The following CATSPER1 variants were observed in gnomAD, a reference collection of about 807,000 sequenced individuals.
CATSPER1 encodes the protein cation channel sperm associated 1, also known as cation channel sperm-associated protein 1.
CATSPER1 carries 57 observed loss-of-function variants against 72.7 expected under a neutral mutation model. The ratio of observed to expected loss-of-function variants is 0.78; its 90% confidence interval spans 0.63 to 0.98. CATSPER1 has a LOEUF of 0.98. Among genes scored for constraint, CATSPER1 ranks in the 50% least tolerant of loss-of-function variants. CATSPER1 has a pLI of 0.00. For synonymous variants in CATSPER1, 363 were observed against 403.0 expected, an observed-to-expected ratio of 0.90 and a Z score of 1.19; for missense variants, 910 against 1,033.9, an observed-to-expected ratio of 0.88 and a Z score of 1.64.
rs201995050 is a variant in CATSPER1, at chr11:66,020,202, T to C, written c.2065-2A>G. 4 of 1,613,792 alleles carry C rather than the reference T, an allele frequency of 2.5e-6. No individual in the cohort carries two copies. The highest frequency in any genetic ancestry group is 2.5e-6 in the Non-Finnish European group (3 of 1,180,022). On this transcript the variant is annotated splice_acceptor_variant, in intron 8 of 11. Coordinates refer to ENST00000312106, the MANE Select transcript of CATSPER1 (RefSeq NM_053054.4). LOFTEE classifies it high-confidence loss of function. This position sits in a 1 kb window ranked among gnomAD's most constrained non-coding sequence, Gnocchi z 4.5. ...CTTCTCTTGGATCCGGGCGGCCCTC[T>C]GGGAAGAAGAGGCCTCAGATCTGCC...
chr11:66,019,052 C>T (rs1459411918), intron 9 of CATSPER1, 150 bp from the exon 10 acceptor site: 4 of 706,066 alleles, frequency 5.7e-6, no homozygotes, highest in African/African-American at 3.5e-5. Context: ...CGATGCAGTT[C>T]CCTTTGTTTG....
chr11:66,023,524 A>G (rs1474806754), intron 1 of CATSPER1, among the ~76,000 whole-genome samples: 1 of 151,950 alleles, frequency 6.6e-6, no homozygotes, highest in Non-Finnish European at 1.5e-5. Flanking sequence ...CTACTGCTCT[A>G]TGTCTCAGTT....
At position 66,017,193 on chromosome 11, in the gene CATSPER1, G is replaced by T. The variant is rs201854224; in HGVS notation, c.2202-19C>A. On this transcript the variant is annotated intron_variant, in intron 10 of 11. Coordinates refer to ENST00000312106, the MANE Select transcript of CATSPER1 (RefSeq NM_053054.4). ...CTGCTGCCTGCGGGTGGGCGGGGGGGTCGCAGAGACAGGGGCTGGGCTGAC... is the reference window on the plus strand; with the variant it reads ...CTGCTGCCTGCGGGTGGGCGGGGGGTTCGCAGAGACAGGGGCTGGGCTGAC... The T allele has an allele frequency of 4.5e-5, 22 of 494,084 alleles. 1 individual carries two copies. Among genetic ancestry groups the T allele is most frequent in the African/African-American group, 8.3e-5 (4 of 48,312 alleles). The allele number at this position is 494,084 out of a possible 1,614,324, so 30.6% of individuals were successfully genotyped here.
intron 4 of CATSPER1, 43 bp downstream of exon 4, chr11:66,021,453 T>G: frequency 6.2e-7 from 1 of 1,607,092 alleles, no homozygotes; most frequent in Admixed American, 1.7e-5. Flanking sequence ...TGTCCCCTCT[T>G]CCTTTGGAGT....
Position 66,025,359 on chromosome 11 carries a change from G to A in CATSPER1, c.1021C>T (p.Pro341Ser), listed in dbSNP as rs1404167666. The change falls in exon 1 of 12, where the codon CCT (proline) becomes TCT (serine). Residue 341 changes from proline (P) to serine (S), a missense_variant. By Grantham distance (74) the Pro-to-Ser change is moderately conservative. Transcript: ENST00000312106. ...SRSLIHDAPGPAASRTGVFPY... is the reference protein window; with the variant it reads ...SRSLIHDAPGSAASRTGVFPY... ...AAGACTCCTGTACGAGAAGCAGCAG[G>A]GCCGGGGGCATCGTGAATCAGGCTC... The A allele has an allele frequency of 6.2e-7, 1 of 1,614,160 alleles. No homozygotes were observed. Among genetic ancestry groups the A allele is most frequent in the African/African-American group, 1.3e-5 (1 of 75,034 alleles).
At position 66,020,546 on chromosome 11, in the gene CATSPER1, G is replaced by A; in HGVS notation, c.1991+18C>T. 1 of 1,608,158 alleles carries A rather than the reference G, an allele frequency of 6.2e-7. No individual in the cohort carries two copies. Among genetic ancestry groups the A allele is most frequent in the South Asian group, 1.1e-5 (1 of 90,664 alleles). On this transcript the variant is annotated intron_variant, in intron 7 of 11. Coordinates refer to ENST00000312106, the MANE Select transcript of CATSPER1 (RefSeq NM_053054.4). This position sits in a 1 kb window ranked among gnomAD's most constrained non-coding sequence, Gnocchi z 4.5. ...AGTGTGGGTGGTGCTGGGCAGCAGA[G>A]CAGGGGTGAGTCCTCACTTGAGGAA...
chr11:66,025,077 TG>T (rs1333339014), intron 1 of CATSPER1, 86 bp downstream of exon 1: 1 of 1,550,884 alleles, frequency 6.4e-7, no homozygotes, highest in Non-Finnish European at 8.9e-7. Context: ...CCTTACGATC[TG>T]CGGAAGGACA....
Position 66,025,407 on chromosome 11 carries a change from G to T in CATSPER1, c.973C>A (p.Leu325Ile). 6.2e-7 allele frequency: 1 copy of T among 1,613,966 alleles called. No homozygotes were observed. The highest frequency in any genetic ancestry group is 8.5e-7 in the Non-Finnish European group (1 of 1,179,940). ...HGDYVQSTSQ[L>I]SIPHTSRSLI... ...CTCCGGGATGTGTGTGGGATAGAGA[G>T]TTGGGAAGTGCTCTGGACGTAGTCG... The change falls in exon 1 of 12, where the codon CTC (leucine) becomes ATC (isoleucine). Residue 325 changes from leucine to isoleucine, a missense_variant. Coordinates refer to ENST00000312106, the MANE Select transcript of CATSPER1 (RefSeq NM_053054.4).
At chr11:66,023,520 C>T (rs1344071001) in intron 1 of CATSPER1, among the ~76,000 whole-genome samples, 1 of 152,144 alleles carries the variant, frequency 6.6e-6, no homozygotes, top group East Asian at 1.9e-4. Flanking sequence ...TTCACTACTG[C>T]TCTATGTCTC....
intron 2 of CATSPER1, 51 bp from the exon 3 acceptor site, chr11:66,021,930 T>G: frequency 7.3e-7 from 1 of 1,366,020 alleles, no homozygotes; most frequent in Non-Finnish European, 1.0e-6. Flanking sequence ...CCCAGTGCCC[T>G]CTCTCTCCTC....
In CATSPER1 at chr11:66,026,425, C is replaced by T. The variant is rs773365254; in HGVS notation, c.-46G>A. 1 of 1,605,648 alleles carries T rather than the reference C, an allele frequency of 6.2e-7. No homozygotes were observed. Among genetic ancestry groups the T allele is most frequent in the South Asian group, 1.1e-5 (1 of 90,976 alleles). On this transcript the variant is annotated 5_prime_UTR_variant, in exon 1 of 12. Transcript: ENST00000312106. ...AGCCAAAAGAGCTCAAGACCTGGGC[C>T]CAACAGGCCCCGCCTGGATTTCCCT...
In CATSPER1 at chr11:66,022,477, C is replaced by A. The variant is rs190495008; in HGVS notation, c.1429+372G>T. On this transcript the variant is annotated intron_variant, in intron 2 of 11. Transcript: ENST00000312106. ...TCCTGTCCTTCACCCTGCTCCACGG[C>A]GTTGGAGGGCCCAGCCTTCCCCGAC... Among the ~76,000 whole-genome samples, 774 of 152,402 alleles carry A rather than the reference C, an allele frequency of 5.1e-3. 10 individuals are homozygous for A. The highest frequency in any genetic ancestry group is 0.015 in the African/African-American group (643 of 41,606).
In CATSPER1 at chr11:66,021,405, G is replaced by C. The variant is rs953755385; in HGVS notation, c.1691+91C>G. The C allele has an allele frequency of 1.3e-5, 19 of 1,511,374 alleles. No homozygotes were observed. The African/African-American group carries it at 1.5e-4, about 12-fold the overall frequency. The allele number at this position is 1,511,374 out of a possible 1,614,324, so 93.6% of individuals were successfully genotyped here. A position where few individuals can be genotyped will look rare whatever the true frequency, so the allele number is the denominator to read the frequency against. ...GCAGCCTCCTGCGCCCCCATCCCTTGAGCAGGTCACAGTGGATTTCTTTGG... is the reference window on the plus strand; with the variant it reads ...GCAGCCTCCTGCGCCCCCATCCCTTCAGCAGGTCACAGTGGATTTCTTTGG... On this transcript the variant is annotated intron_variant, in intron 4 of 11. Transcript: ENST00000312106.
rs1590689219 is a variant in CATSPER1 at position 66,025,859 on chromosome 11, T to G, written c.521A>C (p.His174Pro). 1 of 1,613,052 alleles carries G rather than the reference T, an allele frequency of 6.2e-7. No individual in the cohort carries two copies. ...ATGGGGGAGGTAGGACCCACCATGG[T>G]GGGAAGCCTCACCGTGGTGGGGCAC... Reference protein sequence around the residue: ...SGVPHHGEASHHGGSYLPHGP... With the variant: ...SGVPHHGEASPHGGSYLPHGP... Residue 174 changes from histidine to proline, a missense_variant, in exon 1 of 12, where the codon CAC (histidine) becomes CCC (proline). His to Pro is a moderately conservative substitution (Grantham distance 77). Coordinates refer to ENST00000312106, the MANE Select transcript of CATSPER1 (RefSeq NM_053054.4).
rs1237601091 is a variant in CATSPER1, at chr11:66,016,845, G to A, written c.*45C>T. 1 of 1,600,196 alleles carries A rather than the reference G, an allele frequency of 6.2e-7. No homozygotes were observed. Among genetic ancestry groups the A allele is most frequent in the Non-Finnish European group, 8.5e-7 (1 of 1,171,142 alleles). On this transcript the variant is annotated 3_prime_UTR_variant, in exon 12 of 12. Transcript: ENST00000312106. Reference sequence around the variant, plus strand: ...GACCCGTCCCAGTGCACCCAGGTGGGCAGACTGCCAGGGGCTGAAGTCTGT... The same window carrying A: ...GACCCGTCCCAGTGCACCCAGGTGGACAGACTGCCAGGGGCTGAAGTCTGT...
At chr11:66,022,574 G>A (rs1209971076) in intron 2 of CATSPER1, among the ~76,000 whole-genome samples, 8 of 152,202 alleles carry the variant, frequency 5.3e-5, no homozygotes, top group African/African-American at 1.4e-4. Context: ...CCAGGCGCCC[G>A]CCCGCCCTCA....
intron 1 of CATSPER1, among the ~76,000 whole-genome samples, chr11:66,024,743 A>G (rs1225337420): frequency 6.6e-6 from 1 of 152,142 alleles, no homozygotes; most frequent in Non-Finnish European, 1.5e-5. Context: ...GACAGATAGA[A>G]TCCACCATGG....
In CATSPER1 at chr11:66,026,436, C is replaced by A; in HGVS notation, c.-57G>T. ...CTCAAGACCTGGGCCCAACAGGCCCCGCCTGGATTTCCCTTCTTTCCTGAG... is the reference window on the plus strand; with the variant it reads ...CTCAAGACCTGGGCCCAACAGGCCCAGCCTGGATTTCCCTTCTTTCCTGAG... On this transcript the variant is annotated 5_prime_UTR_variant, in exon 1 of 12. Coordinates refer to ENST00000312106, the MANE Select transcript of CATSPER1 (RefSeq NM_053054.4). The A allele has an allele frequency of 1.2e-6, 2 of 1,603,780 alleles. No individual in the cohort carries two copies. Among genetic ancestry groups the A allele is most frequent in the South Asian group, 1.1e-5 (1 of 90,832 alleles).
At position 66,017,193 on chromosome 11, in the gene CATSPER1, G is replaced by GGGGGGGGGGCGC; in HGVS notation, c.2202-20_2202-19insGCGCCCCCCCCC. The GGGGGGGGGGCGC allele has an allele frequency of 2.0e-6, 1 of 493,812 alleles. No individual in the cohort carries two copies. The highest frequency in any genetic ancestry group is 5.5e-5 in the East Asian group (1 of 18,090). The allele number at this position is 493,812 out of a possible 1,614,324, so 30.6% of individuals were successfully genotyped here. ...CTGCTGCCTGCGGGTGGGCGGGGGG[G>GGGGGGGGGGCGC]TCGCAGAGACAGGGGCTGGGCTGAC... On this transcript the variant is annotated intron_variant, in intron 10 of 11. Coordinates refer to ENST00000312106, the MANE Select transcript of CATSPER1 (RefSeq NM_053054.4).
Sources: allele counts gnomAD v4.1 joint callset (sites outside exome capture counted in the v4.1 genomes callset), GRCh38; gene constraint gnomAD v4.1.1; non-coding constraint Gnocchi (gnomAD v3.1); transcripts MANE v1.5; gene names NCBI Gene and HGNC (gene_info 2026-07-23, HGNC 2026-07-21).